Variants in JPH1 observed in about 807,000 individuals in gnomAD.
JPH1 encodes the protein junctophilin-1.
In JPH1, 12 loss-of-function variants were observed where a neutral mutation model predicts 53.6. The observed-to-expected ratio is 0.22, with a 90% confidence interval of 0.14 to 0.36. The LOEUF (loss-of-function observed/expected upper bound fraction) is 0.36. JPH1 is among the 10% of genes least tolerant of loss of function. The probability of loss-of-function intolerance (pLI) is 1.00; values close to 1 mark genes in which losing one functional copy is unlikely to be tolerated. For synonymous variants in JPH1, 375 were observed against 363.8 expected (o/e 1.03, Z -0.35); for missense variants, 808 against 905.5 (o/e 0.89, Z 1.38).
intron 2 of JPH1, among the ~76,000 whole-genome samples, chr8:74,311,256 T>C (rs1468929403): frequency 6.6e-6 from 1 of 152,244 alleles, no homozygotes; most frequent in East Asian, 1.9e-4. Context: ...CCAAGAGACT[T>C]AGTTTCTAGT....
rs776913641 is a variant in JPH1 at position 74,244,809 on chromosome 8, C to T, written c.1625G>A (p.Ser542Asn). The change falls in exon 4 of 6, where the codon AGT (serine) becomes AAT (asparagine). Residue 542 changes from serine to asparagine, a missense_variant. This residue lies in a region of JPH1 where 756 missense variants were observed against 811.9 expected (regional missense o/e 0.93). Coordinates refer to ENST00000342232, the MANE Select transcript of JPH1 (RefSeq NM_020647.4). ...ATACTGAGAATGCAGCTCCCCGTTACTGGGGTTGGGGATGTGGTGGCGGCC... is the reference window on the plus strand; with the variant it reads ...ATACTGAGAATGCAGCTCCCCGTTATTGGGGTTGGGGATGTGGTGGCGGCC... ...YSGRHHIPNP[S>N]NGELHSQYHG... The T allele has an allele frequency of 6.2e-7, 1 of 1,614,186 alleles. No individual in the cohort carries two copies. The highest frequency in any genetic ancestry group is 1.7e-5 in the Admixed American group (1 of 60,016).
chr8:74,292,329 A>G (rs979884956), intron 2 of JPH1, among the ~76,000 whole-genome samples: 2 of 152,182 alleles, frequency 1.3e-5, no homozygotes, highest in African/African-American at 4.8e-5. Flanking sequence ...GCTCACTTGG[A>G]ACCCCCTGAA....
chr8:74,238,569 C>G (rs1256873172), intron 4 of JPH1, among the ~76,000 whole-genome samples: 1 of 152,204 alleles, frequency 6.6e-6, no homozygotes, highest in Non-Finnish European at 1.5e-5. Flanking sequence ...GTACCCAGTG[C>G]ACAGACACGT....
intron 2 of JPH1, among the ~76,000 whole-genome samples, chr8:74,265,225 T>C (rs1563402633): frequency 6.6e-6 from 1 of 152,220 alleles, no homozygotes; most frequent in African/African-American, 2.4e-5. Flanking sequence ...TCAGGGGACA[T>C]ATGTAATAAT....
chr8:74,242,276 C>T (rs1409122865), intron 4 of JPH1, among the ~76,000 whole-genome samples: 1 of 152,182 alleles, frequency 6.6e-6, no homozygotes, highest in African/African-American at 2.4e-5. Flanking sequence ...TTGAAACAAA[C>T]ATCATAATAG....
rs531422855 is a variant in JPH1 at position 74,321,423 on chromosome 8, G to T, written c.-136C>A. ...CCCTGGGCAGCTCGCGCTGCCGCTCGGCTCCAGTCCGACGCCGCCCCCGTC... is the reference window on the plus strand; with the variant it reads ...CCCTGGGCAGCTCGCGCTGCCGCTCTGCTCCAGTCCGACGCCGCCCCCGTC... On this transcript the variant is annotated 5_prime_UTR_variant, in exon 1 of 6. Transcript: ENST00000342232. The surrounding 1 kb of genome is among the most constrained non-coding windows in gnomAD (Gnocchi z 4.3). 7.8e-4 allele frequency: 648 copies of T among 827,836 alleles called. 2 individuals carry two copies. In the African/African-American group the frequency reaches 0.01, roughly 13 times the overall value. 51.3% of individuals were successfully genotyped at this position (827,836 alleles called of 1,614,324 possible).
intron 2 of JPH1, among the ~76,000 whole-genome samples, chr8:74,274,052 C>T (rs1047043030): frequency 3.9e-5 from 6 of 152,148 alleles, no homozygotes; most frequent in African/African-American, 1.4e-4. Flanking sequence ...TTTAAATTGG[C>T]CTGCTCTGCG....
intron 2 of JPH1, among the ~76,000 whole-genome samples, chr8:74,297,620 G>T (rs1807558353): frequency 6.6e-6 from 1 of 152,196 alleles, no homozygotes; most frequent in South Asian, 2.1e-4. Context: ...TCATTGCAAA[G>T]TTTTCACACT....
chr8:74,261,898 A>T (rs1156763926), intron 2 of JPH1, among the ~76,000 whole-genome samples: 1 of 152,250 alleles, frequency 6.6e-6, no homozygotes, highest in African/African-American at 2.4e-5. Context: ...CATACAGTCA[A>T]ATAAAACAGC....
intron 2 of JPH1, among the ~76,000 whole-genome samples, chr8:74,259,963 A>C (rs1806344521): frequency 6.6e-6 from 1 of 152,256 alleles, no homozygotes; most frequent in Non-Finnish European, 1.5e-5. Flanking sequence ...AGCTCTTTGA[A>C]GAAAAAAATT....
At chr8:74,252,605 G>A (rs1459588929) in intron 3 of JPH1, among the ~76,000 whole-genome samples, 3 of 152,030 alleles carry the variant, frequency 2.0e-5, no homozygotes, top group Non-Finnish European at 4.4e-5. Context: ...CTGGCAAATT[G>A]GATAAAGAGT....
chr8:74,310,818 G>C (rs1807972884), intron 2 of JPH1, among the ~76,000 whole-genome samples: 1 of 152,138 alleles, frequency 6.6e-6, no homozygotes, highest in Admixed American at 6.5e-5. Flanking sequence ...ATGGTACAAG[G>C]GTGCGTCCAT....
At chr8:74,243,140 T>TA (rs1210723666) in intron 4 of JPH1, among the ~76,000 whole-genome samples, 1 of 152,216 alleles carries the variant, frequency 6.6e-6, no homozygotes, top group Non-Finnish European at 1.5e-5. Flanking sequence ...CTAACACTGA[T>TA]ATATGCGAGG....
Position 74,237,311 on chromosome 8 carries a change from T to C in JPH1, c.1906-8A>G. 1 of 1,604,230 alleles carries C rather than the reference T, an allele frequency of 6.2e-7. No individual in the cohort carries two copies. Among genetic ancestry groups the C allele is most frequent in the South Asian group, 1.1e-5 (1 of 89,334 alleles). ...CATGATTGAATTAGGGCCCTGAAAA[T>C]GAAAGAGAACAAAGTAACTATAACT... is the stretch of plus-strand genomic sequence containing the variant. On this transcript the variant is annotated splice_region_variant and splice_polypyrimidine_tract_variant and intron_variant, in intron 4 of 5. Transcript: ENST00000342232.
intron 2 of JPH1, among the ~76,000 whole-genome samples, chr8:74,272,704 C>T (rs559526880): frequency 1.3e-5 from 2 of 151,128 alleles, no homozygotes; most frequent in East Asian, 2.0e-4. Flanking sequence ...CCCGGGTTCA[C>T]GCCATTCTCC....
At chr8:74,262,045 C>T (rs1806410459) in intron 2 of JPH1, among the ~76,000 whole-genome samples, 1 of 152,196 alleles carries the variant, frequency 6.6e-6, no homozygotes, top group Admixed American at 6.5e-5. Flanking sequence ...TTTTTACTTG[C>T]TGTTTCCTAT....
chr8:74,248,331 A>G (rs1430351637), intron 3 of JPH1, among the ~76,000 whole-genome samples: 6 of 152,240 alleles, frequency 3.9e-5, no homozygotes. Context: ...TATGCATTCA[A>G]AAAATATCTG....
intron 2 of JPH1, among the ~76,000 whole-genome samples, chr8:74,261,343 G>A (rs1356991564): frequency 6.6e-6 from 1 of 152,172 alleles, no homozygotes; most frequent in Non-Finnish European, 1.5e-5. Context: ...TGTGCATGAG[G>A]AGAGGAGGTG....
In JPH1 at chr8:74,315,673, AC is replaced by A; in HGVS notation, c.380-54del. On this transcript the variant is annotated intron_variant, in intron 1 of 5. Coordinates refer to ENST00000342232, the MANE Select transcript of JPH1 (RefSeq NM_020647.4). The surrounding 1 kb of genome is among the most constrained non-coding windows in gnomAD (Gnocchi z 6.3). The stretch of plus-strand genomic sequence containing the variant: ...GAGTCGGGGGCAGAGCTGCACCGTC[AC>A]CTGCACCATCCAGCGCACACTGGCG... 6.6e-7 allele frequency: 1 copy of A among 1,514,336 alleles called. No individual in the cohort carries two copies. The highest frequency in any genetic ancestry group is 8.8e-7 in the Non-Finnish European group (1 of 1,130,042). 93.8% of individuals were successfully genotyped at this position (1,514,336 alleles called of 1,614,324 possible).
Sources: allele counts gnomAD v4.1 joint callset (sites outside exome capture counted in the v4.1 genomes callset), GRCh38; gene constraint gnomAD v4.1.1; regional missense constraint gnomAD v4.1.1; non-coding constraint Gnocchi (gnomAD v3.1); transcripts MANE v1.5; gene names NCBI Gene and HGNC (gene_info 2026-07-23, HGNC 2026-07-21).